HSF1: variants seen among roughly 807,000 people sequenced by gnomAD.
The protein encoded by HSF1 is heat shock transcription factor 1.
Under a neutral mutation model 51.7 loss-of-function variants are expected in HSF1, and 32 were observed. The observed-to-expected ratio is 0.62, with a 90% CI of 0.47 to 0.83. HSF1 has a LOEUF of 0.83. HSF1 is among the 40% of genes least tolerant of loss of function. The probability of loss-of-function intolerance (pLI) is 0.00; values close to 1 mark genes in which losing one functional copy is unlikely to be tolerated. For synonymous variants in HSF1, 396 were observed against 309.7 expected (o/e 1.28, Z -2.92); for missense variants, 727 against 717.0 (o/e 1.01, Z -0.16).
At chr8:144,295,628 G>A (rs1422040855) in intron 1 of HSF1, among the ~76,000 whole-genome samples, 4 of 152,148 alleles carry the variant, frequency 2.6e-5, no homozygotes, top group Admixed American at 6.5e-5. Flanking sequence ...ATTGCAGCTC[G>A]CTGCAGCCTC....
intron 1 of HSF1, among the ~76,000 whole-genome samples, chr8:144,303,164 A>G (rs551871451): frequency 2.6e-4 from 40 of 151,940 alleles, no homozygotes; most frequent in African/African-American, 8.5e-4. Context: ...CGTCTCTTCT[A>G]TCATTTTTTT....
rs782164083 is a variant in HSF1, at chr8:144,308,920, C to A, written c.132C>A (p.Phe44Leu). 2 of 1,614,058 alleles carry A rather than the reference C, an allele frequency of 1.2e-6. No homozygotes were observed. Among genetic ancestry groups the A allele is most frequent in the Non-Finnish European group, 1.7e-6 (2 of 1,179,900 alleles). ...LICWSPSGNS[F>L]HVFDQGQFAK... The stretch of plus-strand genomic sequence containing the variant: ...CTCCCTTTCAGAGCGGGAACAGCTT[C>A]CACGTGTTCGACCAGGGCCAGTTTG... The change falls in exon 2 of 13, where the codon TTC (phenylalanine) becomes TTA (leucine). Residue 44 changes from phenylalanine to leucine, a missense_variant. By Grantham distance (22) the Phe-to-Leu change is conservative (BLOSUM62 0). Coordinates refer to ENST00000528838, the MANE Select transcript of HSF1 (RefSeq NM_005526.4).
At chr8:144,310,079 G>T in intron 4 of HSF1, 183 bp downstream of exon 4, 1 of 675,290 alleles carries the variant, frequency 1.5e-6, no homozygotes, top group Non-Finnish European at 2.4e-6. Flanking sequence ...ACAGCTCTGG[G>T]GCCAGCCGTT....
At chr8:144,313,042 A>C in intron 9 of HSF1, 1 of 465,186 alleles carries the variant, frequency 2.1e-6, no homozygotes. Context: ...TGTCCGTCCC[A>C]TAGCCCAGGT....
chr8:144,301,819 C>T (rs946991813), intron 1 of HSF1, among the ~76,000 whole-genome samples: 7 of 144,700 alleles, frequency 4.8e-5, no homozygotes, highest in South Asian at 4.4e-4. Flanking sequence ...GAGCCGAGAT[C>T]GCACCACTGC....
rs1204980278 is a variant in HSF1 at position 144,312,156 on chromosome 8, A to G, written c.1054A>G (p.Arg352Gly). The G allele has an allele frequency of 2.5e-6, 4 of 1,610,730 alleles. No individual in the cohort carries two copies. The highest frequency in any genetic ancestry group is 2.2e-5 in the East Asian group (1 of 44,860). Residue 352 changes from arginine to glycine, a missense_variant, in exon 9 of 13, where the codon AGG (arginine) becomes GGG (glycine). Coordinates refer to ENST00000528838, the MANE Select transcript of HSF1 (RefSeq NM_005526.4). ...PASVTALTDA[R>G]GHTDTEGRPP... The stretch of plus-strand genomic sequence containing the variant: ...CTCCGTCACAGCCCTCACGGACGCC[A>G]GGGGCCACACGGACACCGAGGGCCG...
At position 144,297,846 on chromosome 8, in the gene HSF1, TTTGGGC is replaced by T. The variant is rs1815572055; in HGVS notation, c.117+5973_117+5978del. ...TTGTAGAATACGGCACTGTTCACGT[TTTGGGC>T]CAGGGAGCCCTTTGAGAAGATACTC... On this transcript the variant is annotated intron_variant, in intron 1 of 12. Coordinates refer to ENST00000528838, the MANE Select transcript of HSF1 (RefSeq NM_005526.4). This position sits in a 1 kb window ranked among gnomAD's most constrained non-coding sequence, Gnocchi z 4.6. Among the ~76,000 whole-genome samples the T allele has an allele frequency of 1.3e-5, 2 of 152,182 alleles. No homozygotes were observed. The highest frequency in any genetic ancestry group is 1.3e-4 in the Admixed American group (2 of 15,270).
intron 1 of HSF1, among the ~76,000 whole-genome samples, chr8:144,295,290 C>T (rs1006405387): frequency 5.9e-5 from 9 of 152,194 alleles, no homozygotes; most frequent in African/African-American, 2.2e-4. Context: ...CACCATCATC[C>T]CAGTTTTTTA....
rs1330133447 is a variant in HSF1 at position 144,313,736 on chromosome 8, GCGCCT to G, written c.1249-108_1249-104del. On this transcript the variant is annotated intron_variant, in intron 10 of 12. Coordinates refer to ENST00000528838, the MANE Select transcript of HSF1 (RefSeq NM_005526.4). ...CCCCGCCTCCCCGCCCCGCCTCCCC[GCGCCT>G]CCCCGCCTCCCCGCCCCGCCTCCCC... The G allele has an allele frequency of 3.2e-4, 11 of 34,416 alleles. 1 individual carries two copies. Among genetic ancestry groups the G allele is most frequent in the East Asian group, 7.8e-3 (2 of 258 alleles). 2.1% of individuals were successfully genotyped at this position (34,416 alleles called of 1,614,324 possible). A position where few individuals can be genotyped will look rare whatever the true frequency, so the allele number is the denominator to read the frequency against.
chr8:144,304,979 AC>A (rs1588645163), intron 1 of HSF1, among the ~76,000 whole-genome samples: 1 of 130,820 alleles, frequency 7.6e-6, no homozygotes, highest in East Asian at 2.3e-4. Flanking sequence ...ACAGAGTCTC[AC>A]TCTGTCCCCC....
At chr8:144,312,735 G>A (rs1362661291) in intron 9 of HSF1, 1 of 1,529,316 alleles carries the variant, frequency 6.5e-7, no homozygotes, top group Non-Finnish European at 8.8e-7. Context: ...CCACTGGGGA[G>A]GGAGGAGGGC....
At position 144,314,166 on chromosome 8, in the gene HSF1, C is replaced by T. The variant is rs1554846095; in HGVS notation, c.1426C>T (p.Leu476=). The T allele has an allele frequency of 1.9e-6, 3 of 1,545,622 alleles. No individual in the cohort carries two copies. The highest frequency in any genetic ancestry group is 3.9e-5 in the Admixed American group (2 of 50,634). ...CTACACAGCGCAGCCGCTGTTCCTGCTGGACCCCGGCTCCGTGGACACCGG... is the reference window on the plus strand; with the variant it reads ...CTACACAGCGCAGCCGCTGTTCCTGTTGGACCCCGGCTCCGTGGACACCGG... ...VHYTAQPLFL[L]DPGSVDTGSN... The change falls in exon 13 of 13, where the codon CTG becomes TTG. Residue 476 remains leucine (L), a synonymous_variant. Coordinates refer to ENST00000528838, the MANE Select transcript of HSF1 (RefSeq NM_005526.4).
Position 144,313,851 on chromosome 8 carries a change from C to T in HSF1, c.1254C>T (p.Phe418=), listed in dbSNP as rs782591621. 1.7e-5 allele frequency: 27 copies of T among 1,600,410 alleles called. No individual in the cohort carries two copies. Among genetic ancestry groups the T allele is most frequent in the South Asian group, 3.3e-5 (3 of 90,432 alleles). ...CTTCCCTCCCTCCTCCGCAGCTGTT[C>T]AGCCCCTCGGTGACCGTGCCCGACA... ...SVDTSALLDL[F]SPSVTVPDMS... The change falls in exon 11 of 13, where the codon TTC becomes TTT. Residue 418 remains phenylalanine, a synonymous_variant. Coordinates refer to ENST00000528838, the MANE Select transcript of HSF1 (RefSeq NM_005526.4).
At chr8:144,301,641 C>T (rs1199912389) in intron 1 of HSF1, among the ~76,000 whole-genome samples, 5 of 151,772 alleles carry the variant, frequency 3.3e-5, no homozygotes, top group East Asian at 2.0e-4. Flanking sequence ...CCAAGGCGGG[C>T]GGATCACCAG....
At chr8:144,298,706 C>A (rs1815654169) in intron 1 of HSF1, among the ~76,000 whole-genome samples, 1 of 152,160 alleles carries the variant, frequency 6.6e-6, no homozygotes, top group African/African-American at 2.4e-5. Context: ...GTGCAGAGAA[C>A]CCAACAAACC....
rs1554844604 is a variant in HSF1 at position 144,311,681 on chromosome 8, C to T, written c.724-19C>T. ...TTGCCCCTGCCGGCACTGCATGGAC[C>T]TCCTGCCTTTGATTGCAGGCCCCCT... On this transcript the variant is annotated intron_variant, in intron 7 of 12. Transcript: ENST00000528838. 1.9e-6 allele frequency: 3 copies of T among 1,609,508 alleles called. No individual in the cohort carries two copies. The highest frequency in any genetic ancestry group is 2.5e-6 in the Non-Finnish European group (3 of 1,177,944).
intron 1 of HSF1, among the ~76,000 whole-genome samples, chr8:144,301,651 G>A (rs779057093): frequency 6.6e-6 from 1 of 152,088 alleles, no homozygotes; most frequent in Non-Finnish European, 1.5e-5. Flanking sequence ...CGGATCACCA[G>A]GTCAGGAGGT....
chr8:144,310,722 C>G (rs1026399712), intron 4 of HSF1: 1 of 197,634 alleles, frequency 5.1e-6, no homozygotes, highest in Non-Finnish European at 1.1e-5. Context: ...TTCCCCACCC[C>G]TGAGCCACCT....
chr8:144,308,877 C>A (rs782270315), intron 1 of HSF1, 29 bp from the exon 2 acceptor site: 1 of 1,587,472 alleles, frequency 6.3e-7, no homozygotes. Flanking sequence ...CACCACCACG[C>A]GTGACCCACC....
Sources: allele counts gnomAD v4.1 joint callset (sites outside exome capture counted in the v4.1 genomes callset), GRCh38; gene constraint gnomAD v4.1.1; non-coding constraint Gnocchi (gnomAD v3.1); transcripts MANE v1.5; gene names NCBI Gene and HGNC (gene_info 2026-07-23, HGNC 2026-07-21).